The following ZNF407 variants were observed in gnomAD, a reference collection of about 807,000 sequenced individuals.
The protein encoded by ZNF407 is zinc finger protein 407.
In ZNF407, 17 loss-of-function variants were observed where a neutral mutation model predicts 131.2. The observed-to-expected ratio is 0.13, with a 90% confidence interval of 0.09 to 0.19. ZNF407 has a LOEUF of 0.19. Among genes scored for constraint, ZNF407 ranks in the 10% least tolerant of loss-of-function variants. ZNF407 has a pLI of 1.00. For missense variants in ZNF407, 2,681 were observed against 2,830.6 expected, an observed-to-expected ratio of 0.95 and a Z score of 1.20; for synonymous variants, 1,156 against 1,062.0, an observed-to-expected ratio of 1.09 and a Z score of -1.72.
chr18:74,619,030 T>C (rs2144635388), intron 1 of ZNF407, among the ~76,000 whole-genome samples: 1 of 152,216 alleles, frequency 6.6e-6, no homozygotes, highest in East Asian at 1.9e-4. Flanking sequence ...AGTTGTCGTA[T>C]TTCATCTCTT....
chr18:74,613,083 T>C (rs1425778325), intron 1 of ZNF407, among the ~76,000 whole-genome samples: 2 of 152,214 alleles, frequency 1.3e-5, no homozygotes, highest in Admixed American at 6.5e-5. Flanking sequence ...AGTTCTTGAA[T>C]ATTGAGTCTA....
chr18:74,700,540 A>T (rs1179689280), intron 3 of ZNF407, among the ~76,000 whole-genome samples: 2 of 152,142 alleles, frequency 1.3e-5, no homozygotes, highest in Non-Finnish European at 2.9e-5. Flanking sequence ...TCTTCTCCTC[A>T]GTTCTCTCTC....
intron 3 of ZNF407, among the ~76,000 whole-genome samples, chr18:74,747,421 G>A (rs903631299): frequency 7.9e-5 from 12 of 152,036 alleles, no homozygotes; most frequent in South Asian, 6.2e-4. Flanking sequence ...ATAATGACTT[G>A]ACTTGGTTGA....
chr18:74,902,961 C>G (rs984372071), intron 7 of ZNF407, among the ~76,000 whole-genome samples: 1 of 152,120 alleles, frequency 6.6e-6, no homozygotes, highest in African/African-American at 2.4e-5. Context: ...CTGCAGTATG[C>G]CAGGTGTGGA....
chr18:74,769,500 C>CAT (rs1485727329), intron 3 of ZNF407, among the ~76,000 whole-genome samples: 1 of 152,168 alleles, frequency 6.6e-6, no homozygotes. Flanking sequence ...AAACATGTCT[C>CAT]ATAGAGTTTG....
intron 3 of ZNF407, among the ~76,000 whole-genome samples, chr18:74,763,963 T>C (rs1969169131): frequency 6.6e-6 from 1 of 151,964 alleles, no homozygotes; most frequent in Non-Finnish European, 1.5e-5. Flanking sequence ...TCCGCCCGCC[T>C]CGGCCTCCCA....
chr18:74,646,653 T>C (rs963487059), intron 3 of ZNF407, among the ~76,000 whole-genome samples: 39 of 152,242 alleles, frequency 2.6e-4, no homozygotes, highest in Admixed American at 6.5e-4. Context: ...AATGAACATT[T>C]ACGATTTTTA....
chr18:74,729,543 C>A (rs1363184457), intron 3 of ZNF407, among the ~76,000 whole-genome samples: 1 of 151,790 alleles, frequency 6.6e-6, no homozygotes, highest in Non-Finnish European at 1.5e-5. Flanking sequence ...TTCCCTCATT[C>A]GTTTACTGTG....
chr18:74,691,148 G>C (rs1023704822), intron 3 of ZNF407, among the ~76,000 whole-genome samples: 7 of 151,878 alleles, frequency 4.6e-5, no homozygotes, highest in African/African-American at 1.7e-4. Context: ...GCGTGGTGGT[G>C]TCTGCCTGTA....
intron 4 of ZNF407, among the ~76,000 whole-genome samples, chr18:74,797,060 C>T (rs986093672): frequency 3.9e-5 from 6 of 152,120 alleles, no homozygotes; most frequent in African/African-American, 1.4e-4. Flanking sequence ...AAACATATGC[C>T]TGCTTGTAGG....
intron 4 of ZNF407, 135 bp downstream of exon 4, chr18:74,781,637 A>G: frequency 1.6e-6 from 1 of 614,416 alleles, no homozygotes; most frequent in Non-Finnish European, 2.6e-6. Flanking sequence ...CTTTTGTCAA[A>G]TATCATATTT....
intron 4 of ZNF407, among the ~76,000 whole-genome samples, chr18:74,781,807 TAAAAC>T (rs1033544280): frequency 2.2e-4 from 33 of 152,200 alleles, no homozygotes; most frequent in African/African-American, 7.7e-4. Context: ...TCGAGTGTGA[TAAAAC>T]AAATATGTAA....
At chr18:74,706,940 CT>C (rs34700805) in intron 3 of ZNF407, among the ~76,000 whole-genome samples, 5,501 of 128,584 alleles carry the variant, frequency 0.043, 18 homozygotes, top group African/African-American at 0.058. Context: ...AAGACAGCAG[CT>C]TTTTTTTTTT....
intron 8 of ZNF407, among the ~76,000 whole-genome samples, chr18:74,984,634 GC>G (rs1972631792): frequency 6.6e-6 from 1 of 152,166 alleles, no homozygotes; most frequent in African/African-American, 2.4e-5. Context: ...GTGCCATAGT[GC>G]CCAAAACCTA....
chr18:74,804,232 A>T, intron 4 of ZNF407: 13 of 1,236,802 alleles, frequency 1.1e-5, no homozygotes, highest in Non-Finnish European at 1.3e-5. Context: ...TAGTCTAGTG[A>T]TTTTCTGGAA....
chr18:74,965,327 A>G (rs1972397794), intron 8 of ZNF407, among the ~76,000 whole-genome samples: 1 of 152,100 alleles, frequency 6.6e-6, no homozygotes, highest in South Asian at 2.1e-4. Flanking sequence ...AGCCCCAGGT[A>G]ACCATCATTC....
chr18:74,917,789 C>G (rs1971792874), intron 7 of ZNF407, among the ~76,000 whole-genome samples: 1 of 152,184 alleles, frequency 6.6e-6, no homozygotes, highest in African/African-American at 2.4e-5. Context: ...TTAATTTCTT[C>G]ATATGATTGG....
At chr18:74,935,835 C>A (rs904301036) in intron 8 of ZNF407, among the ~76,000 whole-genome samples, 3 of 152,174 alleles carry the variant, frequency 2.0e-5, no homozygotes, top group Admixed American at 2.0e-4. Flanking sequence ...GATAATCCAA[C>A]AGCTGGCTCT....
At chr18:75,041,445 ACACT>A (rs1361628492) in intron 8 of ZNF407, among the ~76,000 whole-genome samples, 7 of 152,010 alleles carry the variant, frequency 4.6e-5, no homozygotes, top group Non-Finnish European at 1.0e-4. Flanking sequence ...TCTCACACAC[ACACT>A]CTCTCTCTCA....
Sources: allele counts gnomAD v4.1 joint callset (sites outside exome capture counted in the v4.1 genomes callset), GRCh38; gene constraint gnomAD v4.1.1; transcripts MANE v1.5; gene names NCBI Gene and HGNC (gene_info 2026-07-23, HGNC 2026-07-21).